Variants in DLGAP2 observed in about 807,000 individuals in gnomAD.
DLGAP2 encodes disks large-associated protein 2.
DLGAP2 carries 26 observed loss-of-function variants against 100.3 expected under a neutral mutation model. The ratio of observed to expected loss-of-function variants is 0.26; its 90% CI spans 0.19 to 0.36. DLGAP2 has a LOEUF of 0.36. Among genes scored for constraint, DLGAP2 ranks in the 10% least tolerant of loss-of-function variants. The probability of loss-of-function intolerance (pLI) is 1.00; values close to 1 mark genes in which losing one functional copy is unlikely to be tolerated. For missense variants in DLGAP2, 1,858 were observed against 1,453.2 expected, an observed-to-expected ratio of 1.28 and a Z score of -4.53; for synonymous variants, 886 against 630.1, an observed-to-expected ratio of 1.41 and a Z score of -6.08.
At chr8:1,120,714 C>A (rs1196679636) in intron 2 of DLGAP2, among the ~76,000 whole-genome samples, 4 of 152,000 alleles carry the variant, frequency 2.6e-5, no homozygotes, top group Non-Finnish European at 5.9e-5. Context: ...TCCGTTACCG[C>A]CCATTCTAGA....
intron 6 of DLGAP2, among the ~76,000 whole-genome samples, chr8:1,601,253 C>G (rs540103546): frequency 6.6e-6 from 1 of 152,210 alleles, no homozygotes; most frequent in African/African-American, 2.4e-5. Context: ...AAGCTTCGTC[C>G]CAGAGGGACT....
rs867228774 is a variant in DLGAP2, at chr8:1,036,128, A to C, written c.73+128162A>C. On this transcript the variant is annotated intron_variant, in intron 2 of 14. Coordinates refer to ENST00000637795, the MANE Select transcript of DLGAP2 (RefSeq NM_001346810.2). ...TCACCGCGAGTGGATTCACACGCTC[A>C]TCCCGACCCCGCGTGTCACCGCGAG... Among the ~76,000 whole-genome samples the C allele has an allele frequency of 5.3e-3, 753 of 142,822 alleles. 6 individuals carry two copies. Among genetic ancestry groups the C allele is most frequent in the African/African-American group, 0.019 (696 of 36,152 alleles). 93.7% of individuals were successfully genotyped at this position (142,822 alleles called of 152,430 possible).
intron 3 of DLGAP2, among the ~76,000 whole-genome samples, chr8:1,273,368 C>G (rs558551689): frequency 6.6e-6 from 1 of 152,196 alleles, no homozygotes; most frequent in Non-Finnish European, 1.5e-5. Flanking sequence ...GAGCATGAGG[C>G]ACAGCTCACA....
chr8:876,748 C>T (rs997786789), intron 1 of DLGAP2, among the ~76,000 whole-genome samples: 33 of 152,230 alleles, frequency 2.2e-4, no homozygotes, highest in African/African-American at 7.7e-4. Context: ...TTACCTCCTT[C>T]TGATGTTCTC....
intron 3 of DLGAP2, among the ~76,000 whole-genome samples, chr8:1,347,323 C>A (rs915097687): frequency 6.6e-6 from 1 of 151,828 alleles, no homozygotes; most frequent in Non-Finnish European, 1.5e-5. Context: ...CACAGAGCTG[C>A]ATTGCTCTCA....
chr8:1,092,731 G>A (rs1049898964), intron 2 of DLGAP2, among the ~76,000 whole-genome samples: 2 of 152,192 alleles, frequency 1.3e-5, no homozygotes, highest in African/African-American at 4.8e-5. Context: ...CTGAGGTCCC[G>A]ACTTGGCCTG....
chr8:1,566,583 G>A (rs2956917), intron 6 of DLGAP2, among the ~76,000 whole-genome samples: 78,076 of 152,000 alleles, frequency 0.51, 20,178 homozygotes, highest in South Asian at 0.66. Context: ...TTCTGCGGCC[G>A]GCTGTGAGGT....
rs545495803 is a variant in DLGAP2 at position 965,870 on chromosome 8, A to G, written c.73+57904A>G. Among the ~76,000 whole-genome samples the G allele has an allele frequency of 1.4e-3, 205 of 149,798 alleles. 1 individual carries two copies. The highest frequency in any genetic ancestry group is 1.3e-3 in the South Asian group (6 of 4,666). ...CGCGGCTCCAGAGCCCGACCCCCGC[A>G]TGCACACAGCGCTGTTCACCACCGC... On this transcript the variant is annotated intron_variant, in intron 2 of 14. Transcript: ENST00000637795.
intron 3 of DLGAP2, among the ~76,000 whole-genome samples, chr8:1,385,946 C>T (rs1452279073): frequency 6.6e-6 from 1 of 152,280 alleles, no homozygotes; most frequent in Non-Finnish European, 1.5e-5. Flanking sequence ...TAGCCAGCAG[C>T]ACCCACAGTC....
Position 1,183,211 on chromosome 8 carries a change from G to T in DLGAP2, c.74-75640G>T, listed in dbSNP as rs186945022. Among the ~76,000 whole-genome samples the T allele has an allele frequency of 9.7e-4, 148 of 152,162 alleles. 1 individual carries two copies. Among genetic ancestry groups the T allele is most frequent in the Non-Finnish European group, 1.8e-3 (124 of 68,036 alleles). On this transcript the variant is annotated intron_variant, in intron 2 of 14. Transcript: ENST00000637795. ...TGGAGCCGAGAGGGCGTCTCGGAGC[G>T]GGGTCCTGGCGTGGAGGGGAGGAGA...
intron 8 of DLGAP2, among the ~76,000 whole-genome samples, chr8:1,660,036 T>C (rs1355384542): frequency 6.6e-6 from 1 of 152,186 alleles, no homozygotes; most frequent in Admixed American, 6.5e-5. Context: ...AAGGCAGGCC[T>C]GGTGGTGACA....
chr8:1,557,054 C>T (rs776669154), intron 5 of DLGAP2, among the ~76,000 whole-genome samples: 5 of 151,722 alleles, frequency 3.3e-5, no homozygotes, highest in Admixed American at 1.3e-4. Flanking sequence ...GGCTGGGAGA[C>T]GCTTGTGGGG....
chr8:1,142,910 G>T (rs547502720), intron 2 of DLGAP2, among the ~76,000 whole-genome samples: 1 of 152,238 alleles, frequency 6.6e-6, no homozygotes, highest in African/African-American at 2.4e-5. Context: ...AGCCAAGAGG[G>T]GTCGTATCCC....
At chr8:1,488,411 G>A (rs539888970) in intron 3 of DLGAP2, among the ~76,000 whole-genome samples, 58 of 152,278 alleles carry the variant, frequency 3.8e-4, no homozygotes, top group African/African-American at 1.4e-3. Flanking sequence ...GAAAAGGAGT[G>A]GCTTAAAGAG....
intron 2 of DLGAP2, among the ~76,000 whole-genome samples, chr8:1,008,998 C>T (rs1027044605): frequency 5.3e-5 from 8 of 152,234 alleles, no homozygotes; most frequent in African/African-American, 1.4e-4. Flanking sequence ...GACCCTTCCT[C>T]GCAGGCCTCC....
At chr8:1,513,980 G>A (rs1363144246) in intron 4 of DLGAP2, among the ~76,000 whole-genome samples, 1 of 152,180 alleles carries the variant, frequency 6.6e-6, no homozygotes, top group African/African-American at 2.4e-5. Context: ...AAGGTACCAG[G>A]AGCTCACACA....
At chr8:1,336,695 C>G (rs1801283272) in intron 3 of DLGAP2, among the ~76,000 whole-genome samples, 1 of 152,204 alleles carries the variant, frequency 6.6e-6, no homozygotes, top group Non-Finnish European at 1.5e-5. Flanking sequence ...TGTTGAGCCA[C>G]TCTTTTCTCA....
chr8:1,195,041 C>T (rs955909193), intron 2 of DLGAP2, among the ~76,000 whole-genome samples: 51 of 152,370 alleles, frequency 3.3e-4, no homozygotes, highest in African/African-American at 1.1e-3. Flanking sequence ...ACACTTTGTT[C>T]GTTTCAGAGG....
At chr8:1,414,415 G>C (rs914960572) in intron 3 of DLGAP2, among the ~76,000 whole-genome samples, 4 of 152,200 alleles carry the variant, frequency 2.6e-5, no homozygotes, top group Non-Finnish European at 4.4e-5. Flanking sequence ...GTCAGGTCGT[G>C]ACCCATGGAG....
Sources: gnomAD v4.1 joint callset for allele counts (sites outside exome capture counted in the v4.1 genomes callset) on GRCh38, gnomAD v4.1.1 for gene constraint, MANE v1.5 for transcripts, NCBI Gene and HGNC (gene_info 2026-07-23, HGNC 2026-07-21) for gene names.